EPS15L1: variants seen among roughly 807,000 people sequenced by gnomAD.
The protein encoded by EPS15L1 is epidermal growth factor receptor pathway substrate 15 like 1, also known as epidermal growth factor receptor substrate 15-like 1.
Under a neutral mutation model 117.1 loss-of-function variants are expected in EPS15L1, and 43 were observed. That is an observed-to-expected ratio of 0.37 (90% CI 0.29 to 0.47). EPS15L1 has a LOEUF of 0.47. Among genes scored for constraint, EPS15L1 ranks in the 20% least tolerant of loss-of-function variants. The probability of loss-of-function intolerance (pLI) is 0.99; values close to 1 mark genes in which losing one functional copy is unlikely to be tolerated. For synonymous variants in EPS15L1, 459 were observed against 470.5 expected (o/e 0.98, Z 0.32); for missense variants, 981 against 1,164.0 (o/e 0.84, Z 2.29).
rs767663912 is a variant in EPS15L1 at position 16,418,081 on chromosome 19, G to A, written c.974C>T (p.Thr325Met). 44 of 1,613,820 alleles carry A rather than the reference G, an allele frequency of 2.7e-5. No homozygotes were observed. The highest frequency in any genetic ancestry group is 3.6e-5 in the Non-Finnish European group (43 of 1,179,892). The change falls in exon 11 of 24, where the codon ACG (threonine) becomes ATG (methionine). Residue 325 changes from threonine (T) to methionine (M), a missense_variant. This residue lies in a region of EPS15L1 where 819 missense variants were observed against 949.0 expected (regional missense o/e 0.86). Transcript: ENST00000455140. ...GAATTGGTCTTTGCTTAACTTCCCC[G>A]TTTGCCTCGTATCGGCCAGGGCCCT... The part of the protein sequence containing the change: ...HIWALADTRQ[T>M]GKLSKDQFAL...
At chr19:16,454,226 A>G (rs562182235) in intron 1 of EPS15L1, among the ~76,000 whole-genome samples, 27 of 152,374 alleles carry the variant, frequency 1.8e-4, no homozygotes, top group Non-Finnish European at 2.2e-4. Flanking sequence ...TCCATGGGAC[A>G]GAATAAATAC....
chr19:16,401,621 T>G (rs2092602598), intron 16 of EPS15L1: 2 of 985,306 alleles, frequency 2.0e-6, no homozygotes, highest in South Asian at 4.7e-5. Context: ...GACTCTGGTG[T>G]GAACAGGGGG....
chr19:16,468,236 G>A (rs1599703273), intron 1 of EPS15L1, among the ~76,000 whole-genome samples: 1 of 152,260 alleles, frequency 6.6e-6, no homozygotes, highest in East Asian at 1.9e-4. Flanking sequence ...CTAGCAACCG[G>A]AGCAACACAG....
At chr19:16,460,037 G>A (rs976453287) in intron 1 of EPS15L1, among the ~76,000 whole-genome samples, 1 of 152,244 alleles carries the variant, frequency 6.6e-6, no homozygotes, top group African/African-American at 2.4e-5. Context: ...ACACTTTGGA[G>A]ATTAAGGCAG....
intron 8 of EPS15L1, among the ~76,000 whole-genome samples, chr19:16,428,345 G>C (rs1416965989): frequency 1.3e-5 from 2 of 151,120 alleles, no homozygotes; most frequent in South Asian, 4.2e-4. Context: ...CTGAATGCCA[G>C]CCTGGCGATA....
In EPS15L1 at chr19:16,405,514, C is replaced by T. The variant is rs2144847467; in HGVS notation, c.1267-765G>A. On this transcript the variant is annotated intron_variant, in intron 13 of 23. Transcript: ENST00000455140. The surrounding 1 kb of genome is among the most constrained non-coding windows in gnomAD (Gnocchi z 4.0). ...ACTTCCAAGAAAAGCATCCTGGAAG[C>T]ATACAGCGTGTGCAGAGGTATACAA... is the stretch of plus-strand genomic sequence containing the variant. Among the ~76,000 whole-genome samples the T allele has an allele frequency of 6.6e-6, 1 of 152,330 alleles. No individual in the cohort carries two copies. The highest frequency in any genetic ancestry group is 2.4e-5 in the African/African-American group (1 of 41,584).
chr19:16,430,956 C>T (rs753432890), intron 7 of EPS15L1, among the ~76,000 whole-genome samples: 9 of 152,142 alleles, frequency 5.9e-5, no homozygotes, highest in Non-Finnish European at 5.9e-5. Flanking sequence ...TATGCATGGC[C>T]GGGCACAGTG....
At chr19:16,457,406 C>A (rs1468673453) in intron 1 of EPS15L1, among the ~76,000 whole-genome samples, 5 of 152,158 alleles carry the variant, frequency 3.3e-5, no homozygotes, top group African/African-American at 4.8e-5. Flanking sequence ...TGGAAGGCCC[C>A]CCCTCCATGG....
At chr19:16,421,525 C>T (rs1568437374) in intron 9 of EPS15L1, 49 bp from the exon 10 acceptor site, 2 of 1,568,738 alleles carry the variant, frequency 1.3e-6, no homozygotes, top group Non-Finnish European at 1.7e-6. Context: ...TTTTATGACC[C>T]CCAGACACAT....
intron 7 of EPS15L1, 56 bp downstream of exon 7, chr19:16,434,309 G>T (rs555964597): frequency 7.1e-5 from 112 of 1,584,498 alleles, no homozygotes; most frequent in Non-Finnish European, 9.5e-5. Flanking sequence ...GAACAGTGGC[G>T]CCCACACACA....
chr19:16,464,326 A>G (rs2093280041), intron 1 of EPS15L1, among the ~76,000 whole-genome samples: 1 of 152,178 alleles, frequency 6.6e-6, no homozygotes, highest in Non-Finnish European at 1.5e-5. Context: ...TGCAGGAGCA[A>G]ACTTCAGGGC....
chr19:16,373,478 G>C (rs1043617519), intron 22 of EPS15L1, among the ~76,000 whole-genome samples: 2 of 146,754 alleles, frequency 1.4e-5, no homozygotes, highest in African/African-American at 5.0e-5. Flanking sequence ...TGGACTTTAT[G>C]CTTAAAAAAA....
intron 10 of EPS15L1, among the ~76,000 whole-genome samples, chr19:16,420,471 T>C (rs1317635773): frequency 1.3e-5 from 2 of 152,192 alleles, no homozygotes; most frequent in African/African-American, 4.8e-5. Context: ...CCCTAGCCAG[T>C]TGGAGGCGGC....
At chr19:16,438,718 G>A (rs1280888710) in intron 4 of EPS15L1, among the ~76,000 whole-genome samples, 3 of 152,192 alleles carry the variant, frequency 2.0e-5, no homozygotes, top group South Asian at 2.1e-4. Context: ...TTTTTTTAGA[G>A]GTGGGATCTC....
At chr19:16,402,265 G>A in intron 16 of EPS15L1, 56 bp downstream of exon 16, 11 of 1,531,288 alleles carry the variant, frequency 7.2e-6, no homozygotes, top group South Asian at 5.1e-5. Context: ...GGGATGTTCT[G>A]CTGTCACACC....
intron 1 of EPS15L1, among the ~76,000 whole-genome samples, chr19:16,451,305 G>GT (rs1338035988): frequency 2.0e-5 from 3 of 152,078 alleles, no homozygotes; most frequent in African/African-American, 7.2e-5. Flanking sequence ...GAGAAGTTTT[G>GT]TTTTTTCTTT....
chr19:16,451,821 G>A (rs1310048947), intron 1 of EPS15L1, among the ~76,000 whole-genome samples: 1 of 144,378 alleles, frequency 6.9e-6, no homozygotes, highest in African/African-American at 2.5e-5. Context: ...GAGCCACCGC[G>A]CCTGGCCTAC....
rs2092635807 is a variant in EPS15L1, at chr19:16,404,562, C to T, written c.1428+26G>A. The T allele has an allele frequency of 6.2e-7, 1 of 1,613,222 alleles. No individual in the cohort carries two copies. Among genetic ancestry groups the T allele is most frequent in the East Asian group, 2.2e-5 (1 of 44,864 alleles). ...GAAGCCCCTGCCTGTGCATAGGGCG[C>T]TGCCCCGGAGGTGGCCGGGACCCAC... On this transcript the variant is annotated intron_variant, in intron 14 of 23. Coordinates refer to ENST00000455140, the MANE Select transcript of EPS15L1 (RefSeq NM_001258374.3). This position sits in a 1 kb window ranked among gnomAD's most constrained non-coding sequence, Gnocchi z 4.2.
chr19:16,401,172 G>A (rs1036398777), intron 16 of EPS15L1: 5 of 985,332 alleles, frequency 5.1e-6, no homozygotes, highest in Admixed American at 1.2e-4. Flanking sequence ...CGAGAAAAGA[G>A]AGTATGGGAG....
Sources: allele counts gnomAD v4.1 joint callset (sites outside exome capture counted in the v4.1 genomes callset), GRCh38; gene constraint gnomAD v4.1.1; regional missense constraint gnomAD v4.1.1; non-coding constraint Gnocchi (gnomAD v3.1); transcripts MANE v1.5; gene names NCBI Gene and HGNC (gene_info 2026-07-23, HGNC 2026-07-21).